CHAT: variants seen among roughly 807,000 people sequenced by gnomAD.
The protein encoded by CHAT is acetyl CoA:choline O-acetyltransferase.
A neutral mutation model predicts 76.9 loss-of-function variants in CHAT; 61 were observed. That is an observed-to-expected ratio of 0.79 (90% CI 0.65 to 0.98). CHAT has a LOEUF of 0.98. Among genes scored for constraint, CHAT ranks in the 50% least tolerant of loss-of-function variants. The pLI is 0.00. For synonymous variants in CHAT, 407 were observed against 397.4 expected, an observed-to-expected ratio of 1.02 and a Z score of -0.29; for missense variants, 946 against 986.9, an observed-to-expected ratio of 0.96 and a Z score of 0.56.
chr10:49,622,007 A>T, intron 4 of CHAT, 90 bp from the exon 5 acceptor site: 2 of 1,429,026 alleles, frequency 1.4e-6, no homozygotes, highest in African/African-American at 1.5e-5. Flanking sequence ...TGGAAGGAAG[A>T]GGGAAGGAGG....
chr10:49,649,483 C>T lies in CHAT; in HGVS notation c.1383-25C>T, dbSNP rs571037915. 90 of 1,613,688 alleles carry T rather than the reference C, an allele frequency of 5.6e-5. No individual in the cohort carries two copies. The East Asian group carries it at 1.7e-3, about 31-fold the overall frequency. ...CCACAGCTGTCTGGCCGCAGAGCCT[C>T]AGGAGGTTGCCTCTGTGCCCGCAGG... On this transcript the variant is annotated intron_variant, in intron 9 of 14. Coordinates refer to ENST00000337653, the MANE Select transcript of CHAT (RefSeq NM_020549.5).
intron 7 of CHAT, among the ~76,000 whole-genome samples, chr10:49,637,821 C>T (rs1839346271): frequency 6.6e-6 from 1 of 152,138 alleles, no homozygotes; most frequent in South Asian, 2.1e-4. Flanking sequence ...TTTTCTGTTA[C>T]TGATTTCTAC....
chr10:49,649,806 C>T (rs551087679), intron 10 of CHAT, among the ~76,000 whole-genome samples, 170 bp downstream of exon 10: 3 of 151,560 alleles, frequency 2.0e-5, no homozygotes, highest in African/African-American at 4.9e-5. Flanking sequence ...AGAGATACAA[C>T]TCTGGGGAAA....
chr10:49,648,665 G>T, intron 9 of CHAT, 58 bp downstream of exon 9: 1 of 1,143,724 alleles, frequency 8.7e-7, no homozygotes. Flanking sequence ...GTGGTCGCTG[G>T]GGGCTGTGTC....
At chr10:49,616,207 G>T in intron 1 of CHAT, 1 of 1,073,178 alleles carries the variant, frequency 9.3e-7, no homozygotes, top group Non-Finnish European at 1.5e-6. Flanking sequence ...ACCCCTGGTG[G>T]ATTTGGATTG....
upstream of CHAT, chr10:49,611,196 C>G: frequency 6.2e-7 from 1 of 1,614,132 alleles, no homozygotes; most frequent in Non-Finnish European, 8.5e-7. Context: ...TGAGCTACGA[C>G]GTGCCGCTGC....
At chr10:49,624,852 GGATA>G (rs1838859748) in intron 5 of CHAT, among the ~76,000 whole-genome samples, 2 of 151,956 alleles carry the variant, frequency 1.3e-5, no homozygotes, top group African/African-American at 4.8e-5. Flanking sequence ...GTGGATGCAA[GGATA>G]GATGGATGGT....
intron 7 of CHAT, among the ~76,000 whole-genome samples, chr10:49,640,734 G>T (rs921772167): frequency 4.6e-5 from 7 of 152,154 alleles, no homozygotes; most frequent in African/African-American, 1.7e-4. Context: ...GGGATGACAC[G>T]GTTTTTCTCT....
At chr10:49,611,117 T>C, upstream of CHAT, 2 of 1,614,064 alleles carry the variant, frequency 1.2e-6, no homozygotes, top group Non-Finnish European at 1.7e-6. Context: ...AAGATCGGGG[T>C]GCTGTTTGCT....
intron 9 of CHAT, 144 bp downstream of exon 9, chr10:49,648,751 AC>A: frequency 1.5e-6 from 1 of 665,704 alleles, no homozygotes; most frequent in Non-Finnish European, 2.7e-6. Flanking sequence ...ACACACACAC[AC>A]ACACACGATG....
chr10:49,627,579 G>A (rs751951660), intron 6 of CHAT, 29 bp from the exon 7 acceptor site: 2 of 1,613,472 alleles, frequency 1.2e-6, no homozygotes, highest in Non-Finnish European at 1.7e-6. Context: ...CACCCAACAA[G>A]TGACATGTTT....
In CHAT at chr10:49,649,535, A is replaced by C. The variant is rs760300737; in HGVS notation, c.1410A>C (p.Arg470=). 14 of 1,613,708 alleles carry C rather than the reference A, an allele frequency of 8.7e-6. No homozygotes were observed. In the East Asian group the frequency reaches 2.4e-4, roughly 28 times the overall value. The part of the protein sequence containing the change: ...HVTQSSRKLI[R]ADSVSELPAP... ...CGCAGAGCAGCAGGAAGCTGATCCG[A>C]GCAGACTCCGTCAGCGAGCTCCCCG... The change falls in exon 10 of 15, where the codon CGA becomes CGC. Residue 470 remains arginine (R), a synonymous_variant. Transcript: ENST00000337653.
chr10:49,646,375 G>A (rs1839662303), intron 7 of CHAT, 130 bp from the exon 8 acceptor site: 1 of 1,186,692 alleles, frequency 8.4e-7, no homozygotes, highest in African/African-American at 1.5e-5. Flanking sequence ...GGGGGGTCAG[G>A]GCTGGCTCAA....
Position 49,627,722 on chromosome 10 carries a change from A to G in CHAT, c.1048A>G (p.Ile350Val). ...CAACGAGGACGAGCGTTTGCCTCCA[A>G]TTGGCCTGCTGACGTCTGACGGGAG... Reference protein sequence around the residue: ...ASNEDERLPPIGLLTSDGRSE... With the variant: ...ASNEDERLPPVGLLTSDGRSE... Residue 350 changes from isoleucine (I) to valine (V), a missense_variant, in exon 7 of 15, where the codon ATT becomes GTT. Physicochemically the swap from Ile to Val is conservative, Grantham distance 29 (BLOSUM62 3). Transcript: ENST00000337653. The G allele has an allele frequency of 1.2e-6, 2 of 1,614,112 alleles. No homozygotes were observed. The highest frequency in any genetic ancestry group is 1.1e-5 in the South Asian group (1 of 91,082).
intron 1 of CHAT, among the ~76,000 whole-genome samples, chr10:49,616,300 G>A (rs1201993460): frequency 6.6e-6 from 1 of 152,128 alleles, no homozygotes; most frequent in Non-Finnish European, 1.5e-5. Context: ...CTCCCATATG[G>A]GGGCCCAGAG....
chr10:49,627,770 A>G lies in CHAT; in HGVS notation c.1096A>G (p.Thr366Ala). The G allele has an allele frequency of 1.2e-6, 2 of 1,613,780 alleles. No homozygotes were observed. Among genetic ancestry groups the G allele is most frequent in the Non-Finnish European group, 1.7e-6 (2 of 1,179,876 alleles). The change falls in exon 7 of 15, where the codon ACG becomes GCG. Residue 366 changes from threonine to alanine, a missense_variant. By Grantham distance (58) the Thr-to-Ala change is moderately conservative. Coordinates refer to ENST00000337653, the MANE Select transcript of CHAT (RefSeq NM_020549.5). ...GAGGAGCGAGTGGGCCGAGGCCAGG[A>G]CGGTCCTCGTGAAAGGTCAGCCGCA... ...DGRSEWAEAR[T>A]VLVKDSTNRD...
At chr10:49,649,851 T>C (rs1839813782) in intron 10 of CHAT, among the ~76,000 whole-genome samples, 2 of 143,764 alleles carry the variant, frequency 1.4e-5, no homozygotes, top group African/African-American at 5.2e-5. Context: ...TTCTCTAAAA[T>C]GCAAACGCAG....
chr10:49,611,396 C>T, upstream of CHAT: 1 of 1,598,722 alleles, frequency 6.3e-7, no homozygotes, highest in South Asian at 1.1e-5. Flanking sequence ...GTGGCGCTGG[C>T]CTTCATTAGC....
chr10:49,646,467 C>T (rs371907121), intron 7 of CHAT, 38 bp from the exon 8 acceptor site: 8 of 1,612,312 alleles, frequency 5.0e-6, no homozygotes, highest in Admixed American at 3.3e-5. Context: ...TGGCCTGGAG[C>T]GGGACAGGTG....
Sources: allele counts gnomAD v4.1 joint callset (sites outside exome capture counted in the v4.1 genomes callset), GRCh38; gene constraint gnomAD v4.1.1; transcripts MANE v1.5; gene names NCBI Gene and HGNC (gene_info 2026-07-23, HGNC 2026-07-21).